PCDH11X: variants seen among roughly 807,000 people sequenced by gnomAD.
The protein encoded by PCDH11X is protocadherin-11 X-linked.
PCDH11X carries 18 observed loss-of-function variants against 53.3 expected under a neutral mutation model. The ratio of observed to expected loss-of-function variants is 0.34; its 90% confidence interval spans 0.23 to 0.50. The LOEUF is 0.50. PCDH11X is among the 20% of genes least tolerant of loss of function. The pLI is 0.98. For missense variants in PCDH11X, 570 were observed against 1,032.4 expected (o/e 0.55, Z 6.14); for synonymous variants, 279 against 393.3 (o/e 0.71, Z 3.44).
intron 7 of PCDH11X, among the ~76,000 whole-genome samples, chrX:92,209,521 C>G (rs1228475620): frequency 1.8e-5 from 2 of 112,597 alleles, no homozygotes; most frequent in Non-Finnish European, 3.7e-5. Flanking sequence ...GGGATGGGCT[C>G]CCAAGTCCTT....
chrX:91,967,964 T>C (rs965716144), intron 6 of PCDH11X, among the ~76,000 whole-genome samples: 2 of 111,437 alleles, frequency 1.8e-5, no homozygotes, highest in African/African-American at 6.5e-5. Flanking sequence ...TTTAGCCTTT[T>C]CACCCAGCTA....
chrX:92,437,725 G>T (rs2755028), intron 9 of PCDH11X, among the ~76,000 whole-genome samples: 1 of 111,007 alleles, frequency 9.0e-6, no homozygotes, highest in African/African-American at 3.3e-5. Context: ...CTTTTCCTAG[G>T]TGCTGTCTAG....
intron 6 of PCDH11X, among the ~76,000 whole-genome samples, chrX:92,182,862 C>T (rs988490686): frequency 6.3e-5 from 7 of 111,257 alleles, no homozygotes; most frequent in Non-Finnish European, 1.3e-4. Flanking sequence ...TGGACTAATA[C>T]ACCACCTCAT....
intron 8 of PCDH11X, among the ~76,000 whole-genome samples, chrX:92,380,496 G>T (rs1408757446): frequency 8.9e-6 from 1 of 112,143 alleles, no homozygotes. Flanking sequence ...TGTGACATAT[G>T]CATGATTAAC....
intron 7 of PCDH11X, among the ~76,000 whole-genome samples, chrX:92,220,942 C>T (rs1342495604): frequency 9.7e-6 from 1 of 103,541 alleles, no homozygotes; most frequent in Non-Finnish European, 2.0e-5. Flanking sequence ...AGTAAACTAT[C>T]ACAAGAACAA....
chrX:92,522,117 A>G (rs1484314347), intron 10 of PCDH11X, among the ~76,000 whole-genome samples: 1 of 111,964 alleles, frequency 8.9e-6, no homozygotes, highest in Non-Finnish European at 1.9e-5. Context: ...AACTTGGCAA[A>G]CTATTTGGTG....
At chrX:91,953,187 T>C (rs1414782194) in intron 6 of PCDH11X, among the ~76,000 whole-genome samples, 1 of 109,481 alleles carries the variant, frequency 9.1e-6, no homozygotes, top group Non-Finnish European at 1.9e-5. Flanking sequence ...AAGTAAAGAG[T>C]GTAATTGAAT....
intron 9 of PCDH11X, among the ~76,000 whole-genome samples, chrX:92,411,892 A>AGAGG: frequency 1.3e-5 from 1 of 79,494 alleles, no homozygotes; most frequent in Non-Finnish European, 2.4e-5. Flanking sequence ...AAAAAGAAGA[A>AGAGG]GAAGAGGGAA....
intron 6 of PCDH11X, among the ~76,000 whole-genome samples, chrX:92,141,935 C>G (rs1603034411): frequency 9.0e-6 from 1 of 111,156 alleles, no homozygotes; most frequent in African/African-American, 3.3e-5. Flanking sequence ...AGTTCTGTAT[C>G]ATTGTTGAAT....
intron 8 of PCDH11X, among the ~76,000 whole-genome samples, chrX:92,368,201 C>A (rs776899303): frequency 9.3e-6 from 1 of 107,507 alleles, no homozygotes; most frequent in African/African-American, 3.4e-5. Context: ...CCTTTTCATT[C>A]TTTTTTCTCT....
intron 8 of PCDH11X, among the ~76,000 whole-genome samples, chrX:92,297,393 T>C (rs1326477948): frequency 2.3e-4 from 25 of 108,059 alleles, no homozygotes; most frequent in Admixed American, 5.0e-4. Flanking sequence ...GCACTATTTA[T>C]TGAATAGAGA....
chrX:92,587,913 T>G (rs1166414323), intron 10 of PCDH11X, among the ~76,000 whole-genome samples: 1 of 111,257 alleles, frequency 9.0e-6, no homozygotes, highest in Non-Finnish European at 1.9e-5. Flanking sequence ...ATCAACTATA[T>G]GACTGCATCA....
chrX:92,613,545 T>TGTG (rs1183707374), intron 10 of PCDH11X, among the ~76,000 whole-genome samples: 150 of 65,524 alleles, frequency 2.3e-3, no homozygotes, highest in African/African-American at 7.5e-3. Context: ...GTTGTTGTTG[T>TGTG]TGTGTGTGTG....
chrX:92,440,593 G>T (rs2072491962), intron 9 of PCDH11X, among the ~76,000 whole-genome samples: 3 of 110,203 alleles, frequency 2.7e-5, no homozygotes, highest in Admixed American at 1.9e-4. Context: ...AGCTCTCTCT[G>T]CCTGCTGCCA....
At chrX:91,936,621 T>G (rs1388172760) in intron 6 of PCDH11X, among the ~76,000 whole-genome samples, 4 of 106,040 alleles carry the variant, frequency 3.8e-5, no homozygotes, top group Non-Finnish European at 5.8e-5. Context: ...ATTTTTATCA[T>G]TTGCTATTAA....
intron 1 of PCDH11X, among the ~76,000 whole-genome samples, chrX:91,798,628 A>G (rs1349039957): frequency 9.0e-6 from 1 of 111,050 alleles, no homozygotes; most frequent in Non-Finnish European, 1.9e-5. Flanking sequence ...TTCTTAAAAT[A>G]TAAGTACACA....
At chrX:92,108,024 A>G (rs1051508687) in intron 6 of PCDH11X, among the ~76,000 whole-genome samples, 10 of 112,490 alleles carry the variant, frequency 8.9e-5, no homozygotes, top group African/African-American at 3.2e-4. Flanking sequence ...TGATATAAAG[A>G]AGCAGAGCTC....
intron 10 of PCDH11X, among the ~76,000 whole-genome samples, chrX:92,502,847 A>G (rs1221432314): frequency 8.9e-6 from 1 of 111,747 alleles, no homozygotes; most frequent in Non-Finnish European, 1.9e-5. Flanking sequence ...AACAAAAGCA[A>G]TAATTGACAA....
intron 8 of PCDH11X, among the ~76,000 whole-genome samples, chrX:92,277,990 G>A (rs148657224): frequency 0.064 from 7,148 of 111,430 alleles, 504 homozygotes; most frequent in East Asian, 0.24. Flanking sequence ...TCAGAGAGGC[G>A]TCCCTGCAAT....
Sources: gnomAD v4.1 joint callset for allele counts (sites outside exome capture counted in the v4.1 genomes callset) on GRCh38, gnomAD v4.1.1 for gene constraint, MANE v1.5 for transcripts, NCBI Gene and HGNC (gene_info 2026-07-23, HGNC 2026-07-21) for gene names.